Variants in MYO10 observed in about 807,000 individuals in gnomAD.
MYO10 encodes the protein myosin X.
Under a neutral mutation model 257.3 loss-of-function variants are expected in MYO10, and 133 were observed. That is an observed-to-expected ratio of 0.52 (90% CI 0.45 to 0.60). MYO10 has a LOEUF of 0.60. MYO10 is among the 20% of genes least tolerant of loss of function. The probability of loss-of-function intolerance (pLI) is 0.00; values close to 1 mark genes in which losing one functional copy is unlikely to be tolerated. For synonymous variants in MYO10, 1,104 were observed against 1,028.6 expected, an observed-to-expected ratio of 1.07 and a Z score of -1.40; for missense variants, 2,399 against 2,635.7, an observed-to-expected ratio of 0.91 and a Z score of 1.97.
intron 19 of MYO10, among the ~76,000 whole-genome samples, chr5:16,744,600 G>C (rs1481800367): frequency 6.6e-6 from 1 of 152,160 alleles, no homozygotes; most frequent in Non-Finnish European, 1.5e-5. Flanking sequence ...AGGACATGAA[G>C]GACTGAGTCA....
intron 1 of MYO10, among the ~76,000 whole-genome samples, chr5:16,886,461 G>A (rs149812488): frequency 4.6e-4 from 70 of 152,256 alleles, no homozygotes; most frequent in Non-Finnish European, 7.8e-4. Flanking sequence ...TCAGAATTCC[G>A]ACATAATTTC....
At chr5:16,914,424 G>A (rs1745760015) in intron 1 of MYO10, among the ~76,000 whole-genome samples, 1 of 152,214 alleles carries the variant, frequency 6.6e-6, no homozygotes, top group Non-Finnish European at 1.5e-5. Context: ...GTATCAGATA[G>A]CGGTCAGCAG....
chr5:16,824,728 G>C (rs1248778128), intron 2 of MYO10, among the ~76,000 whole-genome samples: 1 of 152,000 alleles, frequency 6.6e-6, no homozygotes, highest in Admixed American at 6.6e-5. Flanking sequence ...TTAGCTGGGC[G>C]TGGTGGCACG....
At chr5:16,838,958 A>C (rs575198503) in intron 2 of MYO10, among the ~76,000 whole-genome samples, 1 of 152,320 alleles carries the variant, frequency 6.6e-6, no homozygotes, top group African/African-American at 2.4e-5. Context: ...CTGCTCAGAA[A>C]AAAAGATTTC....
At position 16,694,623 on chromosome 5, in the gene MYO10, C is replaced by G; in HGVS notation, c.3557-9G>C. The G allele has an allele frequency of 1.9e-6, 3 of 1,613,252 alleles. No homozygotes were observed. Among genetic ancestry groups the G allele is most frequent in the Non-Finnish European group, 1.7e-6 (2 of 1,179,816 alleles). On this transcript the variant is annotated splice_polypyrimidine_tract_variant and intron_variant, in intron 26 of 40. Transcript: ENST00000513610. ...AGAGTTCATCAGGCCACCTGTTCCCCGTGAGATTGGGTAGAGAGGGGTGAA... is the reference window on the plus strand; with the variant it reads ...AGAGTTCATCAGGCCACCTGTTCCCGGTGAGATTGGGTAGAGAGGGGTGAA...
intron 40 of MYO10, among the ~76,000 whole-genome samples, chr5:16,667,824 T>A (rs1273425316): frequency 6.6e-6 from 1 of 152,148 alleles, no homozygotes; most frequent in Non-Finnish European, 1.5e-5. Context: ...GGCCTTTTAG[T>A]GTGTGTGGTT....
chr5:16,689,823 C>G lies in MYO10; in HGVS notation c.3896+1G>C. 1 of 1,609,530 alleles carries G rather than the reference C, an allele frequency of 6.2e-7. No homozygotes were observed. The highest frequency in any genetic ancestry group is 8.5e-7 in the Non-Finnish European group (1 of 1,175,966). The stretch of plus-strand genomic sequence containing the variant: ...ACACAAAGTCAACAGCGCAGACTCA[C>G]CTGGCATCTTCTGGGGACTCTGCAA... On this transcript the variant is annotated splice_donor_variant, in intron 28 of 40. Transcript: ENST00000513610. LOFTEE classifies it high-confidence loss of function.
At position 16,905,974 on chromosome 5, in the gene MYO10, A is replaced by G. The variant is rs1745508617; in HGVS notation, c.22-28267T>C. The stretch of plus-strand genomic sequence containing the variant: ...AGTTGAAAAAAAGAAAAAGAGAAAG[A>G]AAAGCACTCATAGATTAGAATGGAT... On this transcript the variant is annotated intron_variant, in intron 1 of 40. Coordinates refer to ENST00000513610, the MANE Select transcript of MYO10 (RefSeq NM_012334.3). Among the ~76,000 whole-genome samples the G allele has an allele frequency of 1.3e-5, 2 of 152,210 alleles. 1 individual carries two copies. Among genetic ancestry groups the G allele is most frequent in the South Asian group, 4.1e-4 (2 of 4,830 alleles).
intron 9 of MYO10, among the ~76,000 whole-genome samples, chr5:16,776,357 C>T (rs924248765): frequency 8.6e-5 from 13 of 151,618 alleles, no homozygotes; most frequent in African/African-American, 3.2e-4. Flanking sequence ...TAAAGAGTAA[C>T]GGGTTAAATT....
chr5:16,932,819 C>T (rs1746326782), intron 1 of MYO10, among the ~76,000 whole-genome samples: 2 of 152,170 alleles, frequency 1.3e-5, no homozygotes, highest in African/African-American at 4.8e-5. Flanking sequence ...GACACAGGGT[C>T]TGTTGCTCTG....
rs2126555826 is a variant in MYO10, at chr5:16,702,866, C to A, written c.2510+59G>T. 2.1e-6 allele frequency: 3 copies of A among 1,445,762 alleles called. No individual in the cohort carries two copies. In the East Asian group the frequency reaches 7.4e-5, roughly 36 times the overall value. The allele number at this position is 1,445,762 out of a possible 1,614,324, so 89.6% of individuals were successfully genotyped here. A position where few individuals can be genotyped will look rare whatever the true frequency, so the allele number is the denominator to read the frequency against. On this transcript the variant is annotated intron_variant, in intron 23 of 40. Transcript: ENST00000513610. Reference sequence around the variant, plus strand: ...GGATTTCTGGCTGCACAGACAGATACCGAGCACAGCACTCAAAATGTATCC... The same window carrying A: ...GGATTTCTGGCTGCACAGACAGATAACGAGCACAGCACTCAAAATGTATCC...
At chr5:16,822,947 A>G (rs1480895813) in intron 2 of MYO10, among the ~76,000 whole-genome samples, 1 of 151,816 alleles carries the variant, frequency 6.6e-6, no homozygotes, top group East Asian at 2.0e-4. Context: ...TCGGCCTCCC[A>G]AAGTGCTGGG....
chr5:16,726,111 C>A (rs1296100254), intron 19 of MYO10, among the ~76,000 whole-genome samples: 1 of 152,118 alleles, frequency 6.6e-6, no homozygotes, highest in Non-Finnish European at 1.5e-5. Flanking sequence ...ACATTAAATC[C>A]TTGCAGATCA....
intron 4 of MYO10, among the ~76,000 whole-genome samples, chr5:16,792,299 T>C (rs947721119): frequency 3.3e-5 from 5 of 151,988 alleles, no homozygotes; most frequent in Non-Finnish European, 7.4e-5. Context: ...ACACAACCCC[T>C]GCAAATGGCT....
intron 2 of MYO10, among the ~76,000 whole-genome samples, chr5:16,824,282 G>A (rs1294718114): frequency 1.3e-5 from 2 of 152,100 alleles, no homozygotes; most frequent in African/African-American, 4.8e-5. Context: ...TCCTAGAGTA[G>A]AGGTTCTCAA....
At chr5:16,734,805 CAAA>C (rs10686505) in intron 19 of MYO10, among the ~76,000 whole-genome samples, 3 of 131,370 alleles carry the variant, frequency 2.3e-5, no homozygotes, top group African/African-American at 2.8e-5. Context: ...AACTCTGTCT[CAAA>C]AAAAAAAAAA....
In MYO10 at chr5:16,858,701, T is replaced by C. The variant is rs188310116; in HGVS notation, c.120+18908A>G. ...AGGGCCGGGTGCAGTGGCTCATGCC[T>C]GTAATCTCAACACTCTGGGAGGCCG... On this transcript the variant is annotated intron_variant, in intron 2 of 40. Transcript: ENST00000513610. Among the ~76,000 whole-genome samples, 731 of 152,276 alleles carry C rather than the reference T, an allele frequency of 4.8e-3. 2 individuals are homozygous for C. The highest frequency in any genetic ancestry group is 6.8e-3 in the Middle Eastern group (2 of 294).
chr5:16,761,999 A>G, intron 16 of MYO10, 46 bp downstream of exon 16: 1 of 1,476,446 alleles, frequency 6.8e-7, no homozygotes, highest in Non-Finnish European at 9.0e-7. Context: ...GTTTTCTCTG[A>G]ATACCAAACA....
At chr5:16,691,120 A>T (rs76415927) in intron 27 of MYO10, among the ~76,000 whole-genome samples, 2 of 151,830 alleles carry the variant, frequency 1.3e-5, no homozygotes, top group East Asian at 2.0e-4. Flanking sequence ...ATACAAAAAA[A>T]TTAGCTGGGT....
Sources: gnomAD v4.1 joint callset for allele counts (sites outside exome capture counted in the v4.1 genomes callset) on GRCh38, gnomAD v4.1.1 for gene constraint, MANE v1.5 for transcripts, NCBI Gene and HGNC (gene_info 2026-07-23, HGNC 2026-07-21) for gene names.